The following TFCP2 variants were observed in gnomAD, a reference collection of about 807,000 sequenced individuals.
TFCP2 encodes the protein alpha-globin transcription factor CP2.
Under a neutral mutation model 73.4 loss-of-function variants are expected in TFCP2, and 33 were observed. The ratio of observed to expected loss-of-function variants is 0.45; its 90% CI spans 0.34 to 0.60. TFCP2 has a LOEUF of 0.60. TFCP2 is among the 20% of genes least tolerant of loss of function. The probability of loss-of-function intolerance (pLI) is 0.01; values close to 1 mark genes in which losing one functional copy is unlikely to be tolerated. For synonymous variants in TFCP2, 193 were observed against 211.6 expected, an observed-to-expected ratio of 0.91 and a Z score of 0.76; for missense variants, 352 against 604.0, an observed-to-expected ratio of 0.58 and a Z score of 4.37.
Position 51,093,905 on chromosome 12 carries a change from C to T in TFCP2, c.*1336G>A, listed in dbSNP as rs1266721909. 1 of 150,380 alleles carries T rather than the reference C, an allele frequency of 6.6e-6. No homozygotes were observed. Among genetic ancestry groups the T allele is most frequent in the African/African-American group, 2.5e-5 (1 of 40,708 alleles). 9.3% of individuals were successfully genotyped at this position (150,380 alleles called of 1,614,324 possible). On this transcript the variant is annotated 3_prime_UTR_variant, in exon 15 of 15. Transcript: ENST00000257915. The stretch of plus-strand genomic sequence containing the variant: ...ATCTTAGAACATTATCTTTGTGTAC[C>T]TCAACATAACCTGTAAAAGTATTTC...
At chr12:51,149,556 A>C (rs1299093539) in intron 1 of TFCP2, among the ~76,000 whole-genome samples, 1 of 152,224 alleles carries the variant, frequency 6.6e-6, no homozygotes, top group Non-Finnish European at 1.5e-5. Context: ...CATAACTTAA[A>C]AGAATGAAGA....
At chr12:51,117,351 C>T (rs117526926) in intron 3 of TFCP2, among the ~76,000 whole-genome samples, 21 of 152,312 alleles carry the variant, frequency 1.4e-4, no homozygotes, top group Admixed American at 2.6e-4. Flanking sequence ...TCAAAAAAGA[C>T]ACTGAGGCTT....
intron 1 of TFCP2, among the ~76,000 whole-genome samples, chr12:51,135,654 C>A (rs1222460654): frequency 1.3e-5 from 2 of 151,888 alleles, no homozygotes; most frequent in African/African-American, 4.8e-5. Flanking sequence ...TCAACTAAAT[C>A]CAAATGAGGA....
At chr12:51,121,608 T>C (rs1940676621) in intron 1 of TFCP2, among the ~76,000 whole-genome samples, 1 of 150,876 alleles carries the variant, frequency 6.6e-6, no homozygotes, top group Non-Finnish European at 1.5e-5. Context: ...TGGGACTACA[T>C]GCACACGCCA....
chr12:51,105,438 A>G (rs961846357), intron 8 of TFCP2, among the ~76,000 whole-genome samples: 1 of 152,152 alleles, frequency 6.6e-6, no homozygotes, highest in African/African-American at 2.4e-5. Context: ...CCTCTTCCCT[A>G]ATGCCTACTT....
chr12:51,126,912 GA>G (rs1940830747), intron 1 of TFCP2, among the ~76,000 whole-genome samples: 1 of 152,186 alleles, frequency 6.6e-6, no homozygotes, highest in Non-Finnish European at 1.5e-5. Context: ...TTGTGGGAAG[GA>G]TGTAAGGTCA....
chr12:51,106,204 A>G (rs1012874947), intron 8 of TFCP2, among the ~76,000 whole-genome samples: 2 of 152,186 alleles, frequency 1.3e-5, no homozygotes, highest in African/African-American at 2.4e-5. Flanking sequence ...AATAACCACA[A>G]GATGTGCAGT....
At chr12:51,115,119 CTTTT>C (rs767275906) in intron 4 of TFCP2, among the ~76,000 whole-genome samples, 1 of 83,794 alleles carries the variant, frequency 1.2e-5, no homozygotes, top group Admixed American at 1.9e-4. Context: ...AAATTGGAAC[CTTTT>C]TTTTTTTTTT....
intron 14 of TFCP2, 59 bp from the exon 15 acceptor site, chr12:51,095,337 G>A: frequency 6.4e-7 from 1 of 1,562,882 alleles, no homozygotes; most frequent in East Asian, 2.2e-5. Context: ...CACAGCAGGA[G>A]AAAAAAAGTA....
intron 13 of TFCP2, among the ~76,000 whole-genome samples, chr12:51,097,161 A>G (rs1002601173): frequency 2.0e-5 from 3 of 151,882 alleles, no homozygotes; most frequent in African/African-American, 4.8e-5. Flanking sequence ...GGGTTTCTCT[A>G]TGTTGGTCAA....
At chr12:51,095,395 G>A in intron 14 of TFCP2, 117 bp from the exon 15 acceptor site, 1 of 1,101,180 alleles carries the variant, frequency 9.1e-7, no homozygotes, top group Admixed American at 1.7e-5. Flanking sequence ...GGAGGTTGCA[G>A]TGAGCTGAGA....
chr12:51,122,154 T>C (rs991042340), intron 1 of TFCP2, among the ~76,000 whole-genome samples: 1 of 152,168 alleles, frequency 6.6e-6, no homozygotes, highest in Non-Finnish European at 1.5e-5. Flanking sequence ...GAAGAAAATT[T>C]TTCTTTCTGT....
At chr12:51,099,875 G>A (rs1940067749) in intron 11 of TFCP2, 96 bp from the exon 12 acceptor site, 1 of 1,444,622 alleles carries the variant, frequency 6.9e-7, no homozygotes, top group African/African-American at 1.4e-5. Flanking sequence ...ATCGTATAGA[G>A]CAGATGAAAA....
chr12:51,112,653 G>A (rs1415295111), intron 4 of TFCP2, among the ~76,000 whole-genome samples: 2 of 152,052 alleles, frequency 1.3e-5, no homozygotes, highest in Non-Finnish European at 2.9e-5. Flanking sequence ...GATCATTTGA[G>A]GTCAGGAGTT....
intron 8 of TFCP2, 120 bp from the exon 9 acceptor site, chr12:51,104,323 A>G: frequency 2.5e-6 from 2 of 788,526 alleles, no homozygotes; most frequent in Admixed American, 5.6e-5. Flanking sequence ...GTGCTCTCTC[A>G]TAACACATTC....
chr12:51,096,117 C>A (rs1255017795), intron 13 of TFCP2, 77 bp from the exon 14 acceptor site: 4 of 1,155,544 alleles, frequency 3.5e-6, no homozygotes, highest in African/African-American at 1.5e-5. Context: ...TAAGGACTAC[C>A]CCACATCCAG....
intron 4 of TFCP2, among the ~76,000 whole-genome samples, chr12:51,112,027 G>A (rs1940414255): frequency 6.6e-6 from 1 of 151,676 alleles, no homozygotes; most frequent in Non-Finnish European, 1.5e-5. Context: ...GCATGGTAGT[G>A]GGCATCTGTA....
chr12:51,147,947 AAAAC>A (rs1365450774), intron 1 of TFCP2, among the ~76,000 whole-genome samples: 1 of 152,204 alleles, frequency 6.6e-6, no homozygotes, highest in African/African-American at 2.4e-5. Flanking sequence ...AGCTAGAAAA[AAAAC>A]AAACAATCCC....
chr12:51,113,211 T>C (rs1418103481), intron 4 of TFCP2, among the ~76,000 whole-genome samples: 2 of 152,212 alleles, frequency 1.3e-5, no homozygotes, highest in Non-Finnish European at 2.9e-5. Flanking sequence ...CATACAGATA[T>C]CAGGATCACT....
Sources: gnomAD v4.1 joint callset for allele counts (sites outside exome capture counted in the v4.1 genomes callset) on GRCh38, gnomAD v4.1.1 for gene constraint, MANE v1.5 for transcripts, NCBI Gene and HGNC (gene_info 2026-07-23, HGNC 2026-07-21) for gene names.